Variants in SOX6 observed in about 807,000 individuals in gnomAD.
The protein encoded by SOX6 is transcription factor SOX-6.
In SOX6, 11 loss-of-function variants were observed where a neutral mutation model predicts 97.8. The observed-to-expected ratio is 0.11, with a 90% CI of 0.07 to 0.19. SOX6 has a LOEUF of 0.19. Ranked by LOEUF, SOX6 falls within the 10% of genes least tolerant of loss-of-function variation. The pLI is 1.00. For missense variants in SOX6, 810 were observed against 1,039.5 expected (o/e 0.78, Z 3.04); for synonymous variants, 360 against 371.4 (o/e 0.97, Z 0.35).
upstream of SOX6, among the ~76,000 whole-genome samples, chr11:16,361,494 G>A (rs1365253330): frequency 1.3e-5 from 2 of 152,132 alleles, no homozygotes; most frequent in African/African-American, 2.4e-5. Context: ...AAACTGAGAA[G>A]TATTTCTCTT....
At chr11:16,016,625 G>T (rs534858956) in intron 12 of SOX6, among the ~76,000 whole-genome samples, 1 of 152,036 alleles carries the variant, frequency 6.6e-6, no homozygotes, top group African/African-American at 2.4e-5. Context: ...AGCTTCAGAC[G>T]CAGTCAGGGA....
At chr11:16,659,449 G>GA (rs1847749251) in intron 3 of SOX6, among the ~76,000 whole-genome samples, 1 of 152,100 alleles carries the variant, frequency 6.6e-6, no homozygotes, top group Non-Finnish European at 1.5e-5. Flanking sequence ...GGTAGTTTAT[G>GA]AAGCCAGGTA....
chr11:16,334,477 G>C (rs1856400422), intron 2 of SOX6, among the ~76,000 whole-genome samples: 1 of 151,634 alleles, frequency 6.6e-6, no homozygotes, highest in Admixed American at 6.6e-5. Context: ...GCCCAGGCTG[G>C]AGTGCAGTGG....
At chr11:16,419,237 G>T (rs1350194775) in intron 1 of SOX6, among the ~76,000 whole-genome samples, 2 of 152,042 alleles carry the variant, frequency 1.3e-5, no homozygotes, top group African/African-American at 4.8e-5. Context: ...CAAATTTATG[G>T]TGTGTGCTCA....
intron 4 of SOX6, chr11:16,484,036 C>G (rs909511048): frequency 1.3e-6 from 1 of 797,214 alleles, no homozygotes. Context: ...CAGGGCCTGT[C>G]GGGAGAGCCG....
intron 3 of SOX6, among the ~76,000 whole-genome samples, chr11:16,246,016 TA>T (rs1435991681): frequency 9.2e-5 from 14 of 151,478 alleles, no homozygotes; most frequent in Middle Eastern, 5.5e-3. Flanking sequence ...TTTTAATTAT[TA>T]TTTTTTTTAG....
intron 1 of SOX6, among the ~76,000 whole-genome samples, chr11:16,403,560 G>A (rs1274475294): frequency 1.3e-5 from 2 of 151,682 alleles, no homozygotes; most frequent in African/African-American, 4.8e-5. Context: ...AAAACATAGT[G>A]ACCATAATAA....
chr11:16,617,538 G>A (rs1404756435), intron 3 of SOX6, among the ~76,000 whole-genome samples: 1 of 151,774 alleles, frequency 6.6e-6, no homozygotes, highest in Non-Finnish European at 1.5e-5. Flanking sequence ...ATCATGATAT[G>A]GTTGTCATAG....
intron 6 of SOX6, among the ~76,000 whole-genome samples, chr11:16,166,553 G>A (rs907762111): frequency 2.0e-5 from 3 of 152,124 alleles, no homozygotes; most frequent in Non-Finnish European, 4.4e-5. Flanking sequence ...AAATGAATAC[G>A]ACCTCAGACT....
chr11:16,545,149 A>T (rs1847603229), intron 4 of SOX6, among the ~76,000 whole-genome samples: 1 of 152,144 alleles, frequency 6.6e-6, no homozygotes, highest in African/African-American at 2.4e-5. Context: ...ATGACATAGC[A>T]ATAGAAATGA....
intron 3 of SOX6, among the ~76,000 whole-genome samples, chr11:16,287,226 T>C (rs1565071075): frequency 6.6e-6 from 1 of 150,894 alleles, no homozygotes; most frequent in Non-Finnish European, 1.5e-5. Flanking sequence ...TCTCTTCCTG[T>C]TAGTCTCTCC....
At chr11:16,359,758 CAAAG>C (rs1181790600), upstream of SOX6, among the ~76,000 whole-genome samples, 1 of 152,046 alleles carries the variant, frequency 6.6e-6, no homozygotes, top group East Asian at 1.9e-4. Flanking sequence ...AAGGAAATAT[CAAAG>C]AAGAAGAGAG....
chr11:16,183,863 C>T (rs370381024), intron 6 of SOX6, 23 bp downstream of exon 6: 57 of 1,606,714 alleles, frequency 3.5e-5, no homozygotes, highest in African/African-American at 1.2e-4. Context: ...TATAATCAGA[C>T]GAGAGTAATA....
intron 14 of SOX6, among the ~76,000 whole-genome samples, chr11:15,988,783 G>C (rs1328725660): frequency 6.6e-6 from 1 of 152,204 alleles, no homozygotes; most frequent in East Asian, 1.9e-4. Context: ...GGCACCTGGT[G>C]GATATAATAA....
At chr11:16,374,284 T>C (rs944102590) in intron 1 of SOX6, among the ~76,000 whole-genome samples, 1 of 152,054 alleles carries the variant, frequency 6.6e-6, no homozygotes, top group South Asian at 2.1e-4. Context: ...AATGTTTTCA[T>C]TGTCAGGAAC....
At chr11:16,491,242 T>TC (rs1287072093) in intron 4 of SOX6, among the ~76,000 whole-genome samples, 3 of 152,120 alleles carry the variant, frequency 2.0e-5, no homozygotes, top group African/African-American at 7.2e-5. Context: ...CTACATATAA[T>TC]CCCAGGCAAA....
At chr11:16,427,743 A>G (rs1255398723) in intron 1 of SOX6, among the ~76,000 whole-genome samples, 1 of 152,078 alleles carries the variant, frequency 6.6e-6, no homozygotes, top group South Asian at 2.1e-4. Context: ...TGGACATTTG[A>G]GTTGGTTCCA....
chr11:16,267,898 C>A (rs757073753), intron 3 of SOX6, among the ~76,000 whole-genome samples: 1 of 151,454 alleles, frequency 6.6e-6, no homozygotes, highest in Non-Finnish European at 1.5e-5. Flanking sequence ...TTTGCAATAA[C>A]ATGGATGGAA....
chr11:16,543,624 G>C (rs749631718), intron 4 of SOX6, among the ~76,000 whole-genome samples: 1 of 152,072 alleles, frequency 6.6e-6, no homozygotes, highest in Non-Finnish European at 1.5e-5. Flanking sequence ...ATTTTTAAAT[G>C]AGCAAAAGGC....
Sources: gnomAD v4.1 joint callset for allele counts (sites outside exome capture counted in the v4.1 genomes callset) on GRCh38, gnomAD v4.1.1 for gene constraint, MANE v1.5 for transcripts, NCBI Gene and HGNC (gene_info 2026-07-23, HGNC 2026-07-21) for gene names.